MAGI2: variants seen among roughly 807,000 people sequenced by gnomAD.
MAGI2 encodes the protein membrane-associated guanylate kinase, WW and PDZ domain-containing protein 2.
Under a neutral mutation model 133.3 loss-of-function variants are expected in MAGI2, and 35 were observed. The observed-to-expected ratio is 0.26, with a 90% CI of 0.20 to 0.35. The LOEUF (loss-of-function observed/expected upper bound fraction) is 0.35. MAGI2 is among the 10% of genes least tolerant of loss of function. The pLI, the probability that MAGI2 is intolerant of heterozygous loss-of-function variation, is 1.00. For synonymous variants in MAGI2, 729 were observed against 710.6 expected (o/e 1.03, Z -0.41); for missense variants, 1,636 against 1,863.4 (o/e 0.88, Z 2.25).
At chr7:79,206,283 A>G (rs1829056056) in intron 1 of MAGI2, among the ~76,000 whole-genome samples, 1 of 151,740 alleles carries the variant, frequency 6.6e-6, no homozygotes, top group Non-Finnish European at 1.5e-5. Context: ...AAAATTAATA[A>G]AACTGAGTTG....
intron 20 of MAGI2, among the ~76,000 whole-genome samples, chr7:78,104,028 C>T (rs1334655055): frequency 1.3e-5 from 2 of 152,194 alleles, no homozygotes; most frequent in Non-Finnish European, 2.9e-5. Flanking sequence ...AGCCTGGGAT[C>T]AGCTCTGCTC....
intron 21 of MAGI2, among the ~76,000 whole-genome samples, chr7:78,020,831 C>T (rs1205001933): frequency 6.6e-6 from 1 of 152,014 alleles, no homozygotes; most frequent in Non-Finnish European, 1.5e-5. Flanking sequence ...TAAAAAAAAT[C>T]GTCCTTAATT....
At chr7:78,209,089 G>T (rs549362568) in intron 10 of MAGI2, among the ~76,000 whole-genome samples, 1 of 132,844 alleles carries the variant, frequency 7.5e-6, no homozygotes, top group Admixed American at 7.7e-5. Flanking sequence ...GGGCGTGGTG[G>T]CGGGCGCCTG....
intron 1 of MAGI2, among the ~76,000 whole-genome samples, chr7:79,086,948 T>G (rs867366819): frequency 1.3e-5 from 2 of 151,792 alleles, no homozygotes; most frequent in African/African-American, 4.8e-5. Context: ...TAAATATTAA[T>G]ATTTATTAAG....
intron 2 of MAGI2, chr7:79,006,842 C>T: frequency 2.7e-6 from 1 of 374,196 alleles, no homozygotes; most frequent in Non-Finnish European, 4.7e-6. Flanking sequence ...TCAATACTAA[C>T]TTCAGAAATG....
chr7:79,180,995 T>C (rs1234529578), intron 1 of MAGI2, among the ~76,000 whole-genome samples: 1 of 151,728 alleles, frequency 6.6e-6, no homozygotes, highest in Non-Finnish European at 1.5e-5. Flanking sequence ...AAGAGGTGAG[T>C]TCTCATGGTC....
intron 2 of MAGI2, among the ~76,000 whole-genome samples, chr7:78,840,116 G>A (rs990051440): frequency 3.3e-5 from 5 of 151,794 alleles, no homozygotes; most frequent in Admixed American, 6.6e-5. Flanking sequence ...GGTGCTTATA[G>A]CATAAAGTAT....
At chr7:78,379,189 T>A (rs1794705257) in intron 6 of MAGI2, among the ~76,000 whole-genome samples, 1 of 151,986 alleles carries the variant, frequency 6.6e-6, no homozygotes, top group Admixed American at 6.6e-5. Context: ...ACAGTCATAT[T>A]ATAATACGGG....
At chr7:78,608,136 A>T (rs2150901669) in intron 3 of MAGI2, among the ~76,000 whole-genome samples, 1 of 152,298 alleles carries the variant, frequency 6.6e-6, no homozygotes, top group Non-Finnish European at 1.5e-5. Flanking sequence ...ATTCCAGTCT[A>T]TCAGGCCACA....
intron 3 of MAGI2, among the ~76,000 whole-genome samples, chr7:78,597,845 T>C (rs1018996779): frequency 2.3e-5 from 3 of 129,800 alleles, no homozygotes; most frequent in Non-Finnish European, 5.0e-5. Flanking sequence ...GAATCTTTGT[T>C]GCATCTGGCA....
intron 1 of MAGI2, among the ~76,000 whole-genome samples, chr7:79,100,854 G>A (rs1404735554): frequency 6.6e-6 from 1 of 151,796 alleles, no homozygotes; most frequent in Non-Finnish European, 1.5e-5. Context: ...TCTATGGTAA[G>A]AGGAGGTAAA....
chr7:78,378,105 TA>T (rs1794613090), intron 6 of MAGI2, among the ~76,000 whole-genome samples: 2 of 151,622 alleles, frequency 1.3e-5, no homozygotes, highest in South Asian at 2.1e-4. Context: ...AAATAAAATT[TA>T]AAAAAATCTG....
rs1791903549 is a variant in MAGI2 at position 78,839,105 on chromosome 7, A to C, written c.418+167985T>G. The stretch of plus-strand genomic sequence containing the variant: ...AGTGAGGGTGGAATGGGAGGAAAGA[A>C]TGGGAAGGAGTGATGGAAAGAGAAG... On this transcript the variant is annotated intron_variant, in intron 2 of 21. Transcript: ENST00000354212. Among the ~76,000 whole-genome samples, 3 of 151,998 alleles carry C rather than the reference A, an allele frequency of 2.0e-5. No homozygotes were observed. The East Asian group carries it at 5.8e-4, about 29-fold the overall frequency.
intron 2 of MAGI2, among the ~76,000 whole-genome samples, chr7:78,797,561 C>T (rs1787720266): frequency 6.6e-6 from 1 of 152,046 alleles, no homozygotes; most frequent in Admixed American, 6.6e-5. Flanking sequence ...AACATTATGT[C>T]AGTAATGTTT....
At chr7:78,060,106 A>G (rs1813067086) in intron 21 of MAGI2, among the ~76,000 whole-genome samples, 1 of 152,242 alleles carries the variant, frequency 6.6e-6, no homozygotes, top group Admixed American at 6.5e-5. Context: ...CTTTGTAGTA[A>G]CAGTAAAACT....
intron 10 of MAGI2, chr7:78,251,830 A>G (rs1163200735): frequency 6.6e-6 from 1 of 152,202 alleles, no homozygotes; most frequent in African/African-American, 2.4e-5. Flanking sequence ...CAGGCCTTTT[A>G]TGTAACAAAA....
intron 1 of MAGI2, among the ~76,000 whole-genome samples, chr7:79,405,297 A>G (rs1585861239): frequency 6.6e-6 from 1 of 152,108 alleles, no homozygotes; most frequent in African/African-American, 2.4e-5. Flanking sequence ...AGGAGGCCAA[A>G]GGGTTTAGCT....
At chr7:78,958,645 C>T (rs1407641947) in intron 2 of MAGI2, among the ~76,000 whole-genome samples, 1 of 152,092 alleles carries the variant, frequency 6.6e-6, no homozygotes, top group Non-Finnish European at 1.5e-5. Flanking sequence ...CCCATGGGAA[C>T]ATGCGGTTCA....
intron 6 of MAGI2, among the ~76,000 whole-genome samples, chr7:78,424,699 G>C (rs1584039304): frequency 6.6e-6 from 1 of 152,320 alleles, no homozygotes; most frequent in East Asian, 1.9e-4. Flanking sequence ...TGGAATGTGA[G>C]ACATGGAGTC....
Sources: gnomAD v4.1 joint callset for allele counts (sites outside exome capture counted in the v4.1 genomes callset) on GRCh38, gnomAD v4.1.1 for gene constraint, MANE v1.5 for transcripts, NCBI Gene and HGNC (gene_info 2026-07-23, HGNC 2026-07-21) for gene names.